RPH3A: variants seen among roughly 807,000 people sequenced by gnomAD.
RPH3A encodes the protein rabphilin-3A.
Under a neutral mutation model 102.2 loss-of-function variants are expected in RPH3A, and 48 were observed. The observed-to-expected ratio is 0.47, with a 90% CI of 0.37 to 0.60. The LOEUF is 0.60. Among genes scored for constraint, RPH3A ranks in the 20% least tolerant of loss-of-function variants. The pLI is 0.00. For missense variants in RPH3A, 781 were observed against 910.1 expected (o/e 0.86, Z 1.83); for synonymous variants, 310 against 324.3 (o/e 0.96, Z 0.47).
intron 1 of RPH3A, among the ~76,000 whole-genome samples, chr12:112,672,353 T>C (rs1004009194): frequency 1.6e-4 from 25 of 152,226 alleles, no homozygotes; most frequent in Non-Finnish European, 3.5e-4. Context: ...GATTTAATTG[T>C]TGATCACATC....
chr12:112,658,817 C>T (rs567193133), intron 1 of RPH3A, among the ~76,000 whole-genome samples: 3 of 152,258 alleles, frequency 2.0e-5, no homozygotes, highest in Admixed American at 1.3e-4. Flanking sequence ...GGTAATGGTT[C>T]CTGTTGGACT....
intron 1 of RPH3A, among the ~76,000 whole-genome samples, chr12:112,618,764 A>G (rs2039699893): frequency 6.6e-6 from 1 of 152,216 alleles, no homozygotes; most frequent in Admixed American, 6.5e-5. Context: ...TTATTTTAGT[A>G]TGTTCACAGG....
At chr12:112,672,704 C>T (rs1439335852) in intron 1 of RPH3A, among the ~76,000 whole-genome samples, 1 of 152,156 alleles carries the variant, frequency 6.6e-6, no homozygotes, top group Non-Finnish European at 1.5e-5. Flanking sequence ...GAAAGTGCCA[C>T]ATAGTTAATG....
At chr12:112,634,284 C>G (rs183254913) in intron 1 of RPH3A, among the ~76,000 whole-genome samples, 1 of 35,672 alleles carries the variant, frequency 2.8e-5, no homozygotes, top group Non-Finnish European at 4.8e-5. Flanking sequence ...GGAGGCGGAG[C>G]TTGCAGTGAG....
At chr12:112,618,116 C>T (rs233710) in intron 1 of RPH3A, among the ~76,000 whole-genome samples, 80,012 of 151,976 alleles carry the variant, frequency 0.53, 24,323 homozygotes, top group African/African-American at 0.82. Context: ...AGCATGTCTC[C>T]GAATTCTTGC....
rs576977275 is a variant in RPH3A at position 112,876,542 on chromosome 12, G to A, written c.947-100G>A. 4.4e-5 allele frequency: 36 copies of A among 824,196 alleles called. No individual in the cohort carries two copies. The East Asian group carries it at 7.3e-4, about 17-fold the overall frequency. The allele number at this position is 824,196 out of a possible 1,614,324, so 51.1% of individuals were successfully genotyped here. ...GTCCCACTGCATATCCACTGATTCC[G>A]GGTGAAGCCAGGAATCCGCATCTTT... On this transcript the variant is annotated intron_variant, in intron 12 of 21. Coordinates refer to ENST00000389385, the MANE Select transcript of RPH3A (RefSeq NM_001143854.2).
chr12:112,684,228 A>T (rs931883552), intron 1 of RPH3A, among the ~76,000 whole-genome samples: 1 of 152,144 alleles, frequency 6.6e-6, no homozygotes, highest in African/African-American at 2.4e-5. Context: ...CCAAAAACAT[A>T]TGAGAATATC....
intron 10 of RPH3A, 63 bp from the exon 11 acceptor site, chr12:112,875,021 C>A: frequency 7.1e-7 from 1 of 1,415,140 alleles, no homozygotes; most frequent in East Asian, 2.5e-5. Flanking sequence ...TGGTCCCAAG[C>A]TCCTTCCTGC....
At chr12:112,810,637 A>G (rs1253909159) in intron 2 of RPH3A, among the ~76,000 whole-genome samples, 2 of 152,190 alleles carry the variant, frequency 1.3e-5, no homozygotes, top group African/African-American at 4.8e-5. Context: ...TTCTTGTGGG[A>G]GAAGCTGGCC....
chr12:112,837,545 A>C (rs1353374683), intron 4 of RPH3A, among the ~76,000 whole-genome samples: 1 of 152,156 alleles, frequency 6.6e-6, no homozygotes, highest in African/African-American at 2.4e-5. Flanking sequence ...CCTGTGCCTC[A>C]GTTTCTCCAT....
chr12:112,710,876 G>A (rs1298512703), intron 1 of RPH3A, among the ~76,000 whole-genome samples: 1 of 151,772 alleles, frequency 6.6e-6, no homozygotes, highest in Non-Finnish European at 1.5e-5. Context: ...TTGAACATGA[G>A]TCTCTTATGT....
intron 1 of RPH3A, among the ~76,000 whole-genome samples, chr12:112,765,367 A>G (rs2040881559): frequency 6.6e-6 from 1 of 152,082 alleles, no homozygotes; most frequent in Admixed American, 6.6e-5. Flanking sequence ...AAGTTACAAG[A>G]GACTTGTGAG....
intron 6 of RPH3A, 43 bp from the exon 7 acceptor site, chr12:112,866,714 G>A (rs574144703): frequency 5.2e-6 from 8 of 1,547,798 alleles, no homozygotes; most frequent in Admixed American, 5.1e-5. Flanking sequence ...TGCCTCCCAT[G>A]AGCATGGCTC....
At chr12:112,700,175 T>G (rs2040383378) in intron 1 of RPH3A, among the ~76,000 whole-genome samples, 2 of 152,218 alleles carry the variant, frequency 1.3e-5, no homozygotes, top group South Asian at 4.1e-4. Flanking sequence ...GTTCAAGCGA[T>G]TCTCCTGCCT....
chr12:112,702,744 CT>C, intron 1 of RPH3A, among the ~76,000 whole-genome samples: 1 of 152,356 alleles, frequency 6.6e-6, no homozygotes, highest in South Asian at 2.1e-4. Context: ...AAATGTTCTG[CT>C]GGTCAAGTGA....
At chr12:112,825,936 A>G (rs2041862500) in intron 2 of RPH3A, among the ~76,000 whole-genome samples, 1 of 152,128 alleles carries the variant, frequency 6.6e-6, no homozygotes, top group Non-Finnish European at 1.5e-5. Context: ...TTTCTAAAAA[A>G]TACATATTTT....
At chr12:112,855,956 G>C (rs548364995) in intron 5 of RPH3A, among the ~76,000 whole-genome samples, 1 of 152,254 alleles carries the variant, frequency 6.6e-6, no homozygotes, top group South Asian at 2.1e-4. Flanking sequence ...GAGAGACAGA[G>C]AGGGGCAACA....
chr12:112,737,940 G>A lies in RPH3A; in HGVS notation c.-139-54203G>A, dbSNP rs569676804. Among the ~76,000 whole-genome samples, 3 of 152,320 alleles carry A rather than the reference G, an allele frequency of 2.0e-5. No homozygotes were observed. In the South Asian group the frequency reaches 6.2e-4, roughly 32 times the overall value. On this transcript the variant is annotated intron_variant, in intron 1 of 21. Coordinates refer to the RPH3A transcript ENST00000543106. The stretch of plus-strand genomic sequence containing the variant: ...CTGCTTTAATAAGTTACCACAAACT[G>A]GGTGGCTTAAAACAGCAGAAATGTA...
intron 1 of RPH3A, among the ~76,000 whole-genome samples, chr12:112,736,254 G>T (rs2040668573): frequency 6.6e-6 from 1 of 152,290 alleles, no homozygotes; most frequent in East Asian, 1.9e-4. Flanking sequence ...AACTGAAACT[G>T]CCTCCAGACA....
Sources: allele counts gnomAD v4.1 joint callset (sites outside exome capture counted in the v4.1 genomes callset), GRCh38; gene constraint gnomAD v4.1.1; transcripts MANE v1.5; gene names NCBI Gene and HGNC (gene_info 2026-07-23, HGNC 2026-07-21).